The following CA10 variants were observed in gnomAD, a reference collection of about 807,000 sequenced individuals.
CA10 encodes carbonic anhydrase 10 (inactive).
In CA10, 14 loss-of-function variants were observed where a neutral mutation model predicts 44.2. The ratio of observed to expected loss-of-function variants is 0.32; its 90% CI spans 0.21 to 0.50. The LOEUF (loss-of-function observed/expected upper bound fraction) is 0.50, where lower values mean the gene tolerates loss of function less well. Among genes scored for constraint, CA10 ranks in the 20% least tolerant of loss-of-function variants. The pLI, the probability that CA10 is intolerant of heterozygous loss-of-function variation, is 0.99. For synonymous variants in CA10, 159 were observed against 141.6 expected (o/e 1.12, Z -0.87); for missense variants, 350 against 409.7 (o/e 0.85, Z 1.26).
chr17:52,116,606 T>A (rs2143301801), intron 1 of CA10, among the ~76,000 whole-genome samples: 1 of 152,266 alleles, frequency 6.6e-6, no homozygotes, highest in Non-Finnish European at 1.5e-5. Flanking sequence ...TTTTTCCTTC[T>A]CTCACTCATA....
chr17:52,145,894 A>AT (rs202011311), intron 1 of CA10, among the ~76,000 whole-genome samples: 1 of 152,230 alleles, frequency 6.6e-6, no homozygotes, highest in South Asian at 2.1e-4. Context: ...TATTGAGATT[A>AT]TTTTTAAAAA....
intron 2 of CA10, among the ~76,000 whole-genome samples, chr17:52,027,532 T>C (rs954726742): frequency 1.9e-4 from 29 of 152,050 alleles, no homozygotes; most frequent in African/African-American, 7.0e-4. Flanking sequence ...GAGTCTAGGA[T>C]CTAAAATTGG....
intron 3 of CA10, chr17:51,761,297 C>T (rs1905211095): frequency 6.6e-6 from 1 of 152,104 alleles, no homozygotes; most frequent in South Asian, 2.1e-4. Flanking sequence ...ATGGGCCAAC[C>T]ACCCTGGGAG....
intron 4 of CA10, among the ~76,000 whole-genome samples, chr17:51,718,661 A>AC (rs1418697451): frequency 6.6e-6 from 1 of 152,226 alleles, no homozygotes; most frequent in Non-Finnish European, 1.5e-5. Context: ...CATGGGTTAC[A>AC]ACCTGTGCTT....
chr17:51,635,164 T>TA (rs2143209597), intron 7 of CA10, among the ~76,000 whole-genome samples: 1 of 152,198 alleles, frequency 6.6e-6, no homozygotes, highest in Non-Finnish European at 1.5e-5. Flanking sequence ...GGTGCCTTTA[T>TA]AAAAAGGGGA....
chr17:52,103,207 G>T (rs1213092525), intron 1 of CA10, among the ~76,000 whole-genome samples: 1 of 152,158 alleles, frequency 6.6e-6, no homozygotes, highest in Non-Finnish European at 1.5e-5. Flanking sequence ...CCCTAAGTAA[G>T]ACTTCTCCAC....
intron 2 of CA10, among the ~76,000 whole-genome samples, chr17:52,069,110 ATAT>A (rs1447018714): frequency 5.9e-5 from 9 of 152,194 alleles, no homozygotes; most frequent in Admixed American, 3.3e-4. Context: ...AGGCCCACAC[ATAT>A]TATACAGATA....
intron 2 of CA10, among the ~76,000 whole-genome samples, chr17:52,011,308 A>G (rs146780308): frequency 9.2e-5 from 14 of 152,134 alleles, no homozygotes; most frequent in African/African-American, 3.1e-4. Flanking sequence ...AGACTTGCAA[A>G]TTAGAACTTG....
intron 4 of CA10, among the ~76,000 whole-genome samples, chr17:51,723,915 G>A (rs1401058182): frequency 6.6e-6 from 1 of 152,180 alleles, no homozygotes; most frequent in African/African-American, 2.4e-5. Flanking sequence ...GGGTGCCCAT[G>A]GGGTACCTGG....
intron 3 of CA10, among the ~76,000 whole-genome samples, chr17:51,929,345 C>G (rs1982558408): frequency 6.6e-6 from 1 of 152,104 alleles, no homozygotes; most frequent in African/African-American, 2.4e-5. Flanking sequence ...TGTACTTTAT[C>G]TAAAACCCCT....
chr17:52,052,303 A>ACT (rs757680345), intron 2 of CA10, among the ~76,000 whole-genome samples: 1 of 119,828 alleles, frequency 8.3e-6, no homozygotes, highest in Non-Finnish European at 1.8e-5. Flanking sequence ...TTTTTTTAAA[A>ACT]AAAAAAAAAA....
chr17:51,822,823 G>A (rs190348722), intron 3 of CA10, among the ~76,000 whole-genome samples: 35 of 152,256 alleles, frequency 2.3e-4, no homozygotes, highest in Middle Eastern at 3.4e-3. Context: ...GGTATTTGAT[G>A]GGGGGTCCAA....
chr17:51,786,467 A>G (rs1275810161), intron 3 of CA10, among the ~76,000 whole-genome samples: 2 of 152,178 alleles, frequency 1.3e-5, no homozygotes, highest in Non-Finnish European at 2.9e-5. Flanking sequence ...TACAAGAATC[A>G]CTTGAGTCCG....
intron 3 of CA10, among the ~76,000 whole-genome samples, chr17:51,886,711 A>G (rs1980617877): frequency 6.6e-6 from 1 of 152,208 alleles, no homozygotes; most frequent in Admixed American, 6.5e-5. Flanking sequence ...AATCAGTAGA[A>G]CTAGTAAAGA....
At chr17:52,132,251 C>A (rs1363888714) in intron 1 of CA10, among the ~76,000 whole-genome samples, 1 of 151,914 alleles carries the variant, frequency 6.6e-6, no homozygotes, top group Admixed American at 6.6e-5. Flanking sequence ...GCTGTGGAAG[C>A]AATGGAGAGG....
intron 3 of CA10, among the ~76,000 whole-genome samples, chr17:51,851,553 T>C (rs1978795238): frequency 6.6e-6 from 1 of 152,044 alleles, no homozygotes; most frequent in Non-Finnish European, 1.5e-5. Context: ...AAATATTTTA[T>C]TGTTATTTTA....
At chr17:51,960,679 T>C (rs901765702) in intron 2 of CA10, among the ~76,000 whole-genome samples, 1 of 152,146 alleles carries the variant, frequency 6.6e-6, no homozygotes, top group Admixed American at 6.6e-5. Context: ...ATAAAGACCA[T>C]CTGATCATAG....
At chr17:51,906,500 T>C (rs980642457) in intron 3 of CA10, among the ~76,000 whole-genome samples, 5 of 152,146 alleles carry the variant, frequency 3.3e-5, no homozygotes, top group African/African-American at 1.2e-4. Flanking sequence ...CAGGATACCA[T>C]AGCACTCAAT....
intron 3 of CA10, among the ~76,000 whole-genome samples, chr17:51,912,261 T>C (rs1265979680): frequency 6.6e-6 from 1 of 152,204 alleles, no homozygotes; most frequent in Non-Finnish European, 1.5e-5. Flanking sequence ...GAAAACACTA[T>C]GTGCTAGGCA....
Sources: gnomAD v4.1 joint callset for allele counts (sites outside exome capture counted in the v4.1 genomes callset) on GRCh38, gnomAD v4.1.1 for gene constraint, MANE v1.5 for transcripts, NCBI Gene and HGNC (gene_info 2026-07-23, HGNC 2026-07-21) for gene names.